The following RAPGEF6 variants were observed in gnomAD, a reference collection of about 807,000 sequenced individuals.
The protein encoded by RAPGEF6 is Rap guanine nucleotide exchange factor 6.
In RAPGEF6, 56 loss-of-function variants were observed where a neutral mutation model predicts 171.4. The ratio of observed to expected loss-of-function variants is 0.33; its 90% confidence interval spans 0.26 to 0.41. The LOEUF (loss-of-function observed/expected upper bound fraction) is 0.41, where lower values mean the gene tolerates loss of function less well. Among genes scored for constraint, RAPGEF6 ranks in the 10% least tolerant of loss-of-function variants. The pLI is 1.00. For missense variants in RAPGEF6, 1,674 were observed against 1,921.4 expected (o/e 0.87, Z 2.41); for synonymous variants, 692 against 650.1 (o/e 1.06, Z -0.98).
intron 22 of RAPGEF6, among the ~76,000 whole-genome samples, chr5:131,445,285 A>T (rs988619447): frequency 1.3e-5 from 2 of 152,212 alleles, no homozygotes; most frequent in Non-Finnish European, 2.9e-5. Flanking sequence ...AAAATTGTCA[A>T]AACTGAATTT....
At chr5:131,527,652 A>G (rs938911379) in intron 6 of RAPGEF6, among the ~76,000 whole-genome samples, 2 of 152,194 alleles carry the variant, frequency 1.3e-5, no homozygotes, top group African/African-American at 4.8e-5. Flanking sequence ...CACAAGAGAT[A>G]GGAGACACTA....
chr5:131,542,073 T>A (rs1218449320), intron 6 of RAPGEF6, among the ~76,000 whole-genome samples: 1 of 152,230 alleles, frequency 6.6e-6, no homozygotes. Context: ...AGTGAGTGAT[T>A]CTGAGGGTAA....
intron 17 of RAPGEF6, among the ~76,000 whole-genome samples, chr5:131,470,238 C>T (rs1445243478): frequency 2.6e-5 from 4 of 152,152 alleles, no homozygotes; most frequent in Non-Finnish European, 5.9e-5. Context: ...TGAGACATAT[C>T]AGATGTTCTC....
intron 13 of RAPGEF6, among the ~76,000 whole-genome samples, chr5:131,494,947 AC>A (rs1756531480): frequency 2.6e-5 from 4 of 152,182 alleles, no homozygotes; most frequent in Non-Finnish European, 4.4e-5. Context: ...TACACATATA[AC>A]ACCAGGTTTA....
chr5:131,435,134 T>C (rs554496806), intron 24 of RAPGEF6, among the ~76,000 whole-genome samples: 1 of 152,206 alleles, frequency 6.6e-6, no homozygotes, highest in African/African-American at 2.4e-5. Context: ...ATTTAAGGAA[T>C]AATTTGTTGC....
intron 14 of RAPGEF6, among the ~76,000 whole-genome samples, chr5:131,492,011 T>G (rs1196692050): frequency 3.3e-5 from 5 of 152,226 alleles, no homozygotes; most frequent in Admixed American, 1.3e-4. Context: ...ACATTTGGAA[T>G]AGGCTGCTCT....
At chr5:131,561,863 T>G (rs1357181530) in intron 5 of RAPGEF6, 115 bp downstream of exon 5, 2 of 770,130 alleles carry the variant, frequency 2.6e-6, no homozygotes, top group Non-Finnish European at 4.3e-6. Flanking sequence ...TGCTACTTGA[T>G]GAAATCTCTA....
At chr5:131,517,268 A>G (rs1758153562) in intron 7 of RAPGEF6, among the ~76,000 whole-genome samples, 1 of 152,154 alleles carries the variant, frequency 6.6e-6, no homozygotes, top group Non-Finnish European at 1.5e-5. Flanking sequence ...CATCTAAAAT[A>G]AAAGTTGAAA....
intron 7 of RAPGEF6, among the ~76,000 whole-genome samples, chr5:131,514,158 A>G (rs973983896): frequency 6.6e-5 from 10 of 152,256 alleles, no homozygotes; most frequent in African/African-American, 1.9e-4. Context: ...AAGAGTATAC[A>G]TGAGCATAAG....
In RAPGEF6 at chr5:131,549,188, T is replaced by A. The variant is rs141947185; in HGVS notation, c.352-998A>T. ...AATCACAGAACAAACCATAATTTTTTAAATTAACTATTTTTATAAAGGTAT... is the reference window on the plus strand; with the variant it reads ...AATCACAGAACAAACCATAATTTTTAAAATTAACTATTTTTATAAAGGTAT... On this transcript the variant is annotated intron_variant, in intron 5 of 27. Transcript: ENST00000509018. Among the ~76,000 whole-genome samples, 578 of 152,274 alleles carry A rather than the reference T, an allele frequency of 3.8e-3. 4 individuals are homozygous for A. The highest frequency in any genetic ancestry group is 0.013 in the African/African-American group (525 of 41,572).
chr5:131,491,335 T>A (rs1319016257), intron 14 of RAPGEF6, among the ~76,000 whole-genome samples: 1 of 152,110 alleles, frequency 6.6e-6, no homozygotes, highest in African/African-American at 2.4e-5. Flanking sequence ...TGTTCTAGAG[T>A]GTAGAACCTT....
At chr5:131,483,239 C>T (rs1755614720) in intron 15 of RAPGEF6, among the ~76,000 whole-genome samples, 1 of 151,492 alleles carries the variant, frequency 6.6e-6, no homozygotes, top group Admixed American at 6.6e-5. Flanking sequence ...ATCCCAGTTA[C>T]TCCAGAGGCT....
chr5:131,590,770 T>C (rs1763542837), intron 4 of RAPGEF6, among the ~76,000 whole-genome samples: 1 of 152,228 alleles, frequency 6.6e-6, no homozygotes, highest in Non-Finnish European at 1.5e-5. Flanking sequence ...AAACTAGTAG[T>C]GAATTATTGC....
chr5:131,476,836 T>C (rs1755131915), intron 16 of RAPGEF6, among the ~76,000 whole-genome samples: 1 of 152,150 alleles, frequency 6.6e-6, no homozygotes, highest in African/African-American at 2.4e-5. Flanking sequence ...CCAGCCAGAA[T>C]TTTGCCACTT....
chr5:131,627,819 T>A (rs771665425), intron 1 of RAPGEF6, among the ~76,000 whole-genome samples: 8 of 152,234 alleles, frequency 5.3e-5, no homozygotes, highest in Non-Finnish European at 1.2e-4. Flanking sequence ...TCACTTCATG[T>A]CTCCGTGTCA....
chr5:131,494,329 T>C (rs1240367201), intron 13 of RAPGEF6, among the ~76,000 whole-genome samples: 2 of 152,244 alleles, frequency 1.3e-5, no homozygotes, highest in African/African-American at 4.8e-5. Context: ...AAGTTTTATA[T>C]CTGACAGGGA....
intron 15 of RAPGEF6, among the ~76,000 whole-genome samples, chr5:131,486,782 T>C (rs1312955144): frequency 6.9e-6 from 1 of 143,966 alleles, no homozygotes; most frequent in Admixed American, 7.6e-5. Context: ...CAGGCGGGAG[T>C]GCAGTGGCGC....
Position 131,462,043 on chromosome 5 carries a change from A to C in RAPGEF6, c.2526T>G (p.Asp842Glu). The change falls in exon 19 of 28, where the codon GAT (aspartate) becomes GAG (glutamate). Residue 842 changes from aspartate to glutamate, a missense_variant. Physicochemically the swap from Asp to Glu is conservative, Grantham distance 45. This residue lies in a region of RAPGEF6 where 1,116 missense variants were observed against 1,321.5 expected (regional missense o/e 0.84). Coordinates refer to ENST00000509018, the MANE Select transcript of RAPGEF6 (RefSeq NM_016340.6). ...CCTTAACTAGTTCTTGAGCATCTTC[A>C]TCTGAACATAAGGTTTCTGTTTCCA... Reference protein sequence around the residue: ...NNMETETLCSDEDAQELVKES... With the variant: ...NNMETETLCSEEDAQELVKES... 6.2e-7 allele frequency: 1 copy of C among 1,610,620 alleles called. No individual in the cohort carries two copies. Among genetic ancestry groups the C allele is most frequent in the Non-Finnish European group, 8.5e-7 (1 of 1,178,568 alleles).
At position 131,536,811 on chromosome 5, in the gene RAPGEF6, A is replaced by G. The variant is rs138937503; in HGVS notation, c.495+11236T>C. On this transcript the variant is annotated intron_variant, in intron 6 of 27. Coordinates refer to ENST00000509018, the MANE Select transcript of RAPGEF6 (RefSeq NM_016340.6). Reference sequence around the variant, plus strand: ...TAGTTACTCAAGTATATGCAAACCTAAAGTTTCAAACAGCGTATTAATTTT... The same window carrying G: ...TAGTTACTCAAGTATATGCAAACCTGAAGTTTCAAACAGCGTATTAATTTT... 3.6e-4 allele frequency among the ~76,000 whole-genome samples: 55 copies of G among 152,364 alleles called. 1 individual carries two copies. The East Asian group carries it at 9.6e-3, about 27-fold the overall frequency.
Sources: allele counts gnomAD v4.1 joint callset (sites outside exome capture counted in the v4.1 genomes callset), GRCh38; gene constraint gnomAD v4.1.1; regional missense constraint gnomAD v4.1.1; transcripts MANE v1.5; gene names NCBI Gene and HGNC (gene_info 2026-07-23, HGNC 2026-07-21).